Variants in MYO9B observed in about 807,000 individuals in gnomAD.
The protein encoded by MYO9B is myosin IXB, also known as unconventional myosin-IXb.
A neutral mutation model predicts 229.5 loss-of-function variants in MYO9B; 71 were observed. The ratio of observed to expected loss-of-function variants is 0.31; its 90% confidence interval spans 0.26 to 0.38. The LOEUF (loss-of-function observed/expected upper bound fraction) is 0.38, where lower values mean the gene tolerates loss of function less well. Ranked by LOEUF, MYO9B falls within the 10% of genes least tolerant of loss-of-function variation. MYO9B has a pLI of 1.00. For synonymous variants in MYO9B, 1,185 were observed against 1,235.8 expected, an observed-to-expected ratio of 0.96 and a Z score of 0.86; for missense variants, 2,255 against 2,920.5, an observed-to-expected ratio of 0.77 and a Z score of 5.25.
chr19:17,117,692 C>G (rs1229758084), intron 2 of MYO9B, among the ~76,000 whole-genome samples: 2 of 152,104 alleles, frequency 1.3e-5, no homozygotes, highest in Non-Finnish European at 2.9e-5. Flanking sequence ...AAGCCCAGCA[C>G]TTTTAGAGGC....
chr19:17,197,690 C>T, intron 22 of MYO9B, 102 bp from the exon 23 acceptor site: 2 of 1,348,984 alleles, frequency 1.5e-6, no homozygotes, highest in South Asian at 1.2e-5. Context: ...TGTCCCCTGG[C>T]AGGGGCAGAA....
chr19:17,135,924 A>G (rs895004440), intron 2 of MYO9B, among the ~76,000 whole-genome samples: 1 of 152,072 alleles, frequency 6.6e-6, no homozygotes, highest in Non-Finnish European at 1.5e-5. Flanking sequence ...TCTGCCACAG[A>G]CCAGGCTTTA....
At chr19:17,097,548 C>G (rs2057704832) in intron 1 of MYO9B, among the ~76,000 whole-genome samples, 1 of 152,114 alleles carries the variant, frequency 6.6e-6, no homozygotes. Flanking sequence ...ATCTATTTCC[C>G]TGGGAGAAAA....
chr19:17,210,258 C>T (rs752881287), intron 36 of MYO9B, 75 bp from the exon 37 acceptor site: 1 of 1,426,578 alleles, frequency 7.0e-7, no homozygotes, highest in Non-Finnish European at 9.4e-7. Context: ...TGGTACCGGT[C>T]ATTGGATGTA....
rs766861563 is a variant in MYO9B, at chr19:17,180,962, G to C, written c.2255G>C (p.Gly752Ala). 4.3e-6 allele frequency: 7 copies of C among 1,611,072 alleles called. No homozygotes were observed. The South Asian group carries it at 7.8e-5, about 18-fold the overall frequency. Residue 752 changes from glycine to alanine, a missense_variant, in exon 15 of 40, where the codon GGA becomes GCA. Transcript: ENST00000682292. ...AACCAAATGATCAAGAGCATCAAAG[G>C]ATTGCCCTGGCAGGGCGAGGACCCC... Reference protein sequence around the residue: ...LHNQMIKSIKGLPWQGEDPRS... With the variant: ...LHNQMIKSIKALPWQGEDPRS...
chr19:17,094,398 C>T (rs1056043831), intron 1 of MYO9B, among the ~76,000 whole-genome samples: 9 of 152,100 alleles, frequency 5.9e-5, no homozygotes, highest in African/African-American at 1.9e-4. Context: ...GCTGCACTTA[C>T]TCAGTGTGCC....
chr19:17,212,074 C>T lies in MYO9B; in HGVS notation c.6238C>T (p.Leu2080=). 6.3e-7 allele frequency: 1 copy of T among 1,597,258 alleles called. No individual in the cohort carries two copies. Among genetic ancestry groups the T allele is most frequent in the Non-Finnish European group, 8.5e-7 (1 of 1,173,610 alleles). ...IKLPPGLPSH[L]PRWAPGAREA... ...GCTCCCACCAGGCCTGCCCTCCCACCTGCCTCGCTGGGCACCGGGTGCCCG... is the reference window on the plus strand; with the variant it reads ...GCTCCCACCAGGCCTGCCCTCCCACTTGCCTCGCTGGGCACCGGGTGCCCG... Residue 2080 remains leucine (L), a synonymous_variant, in exon 40 of 40, where the codon CTG becomes TTG. Transcript: ENST00000682292. This position sits in a 1 kb window ranked among gnomAD's most constrained non-coding sequence, Gnocchi z 5.4.
At chr19:17,182,956 C>G (rs1034028211) in intron 15 of MYO9B, among the ~76,000 whole-genome samples, 2 of 152,046 alleles carry the variant, frequency 1.3e-5, no homozygotes, top group African/African-American at 4.8e-5. Flanking sequence ...GAGTCTCTCT[C>G]TGTCACCCAG....
At chr19:17,136,792 T>C (rs116804703) in intron 2 of MYO9B, among the ~76,000 whole-genome samples, 2,315 of 152,194 alleles carry the variant, frequency 0.015, 62 homozygotes, top group African/African-American at 0.05. Context: ...AGAGACTGTT[T>C]CAAAGTTCAA....
intron 2 of MYO9B, among the ~76,000 whole-genome samples, chr19:17,143,283 CAG>C (rs144850241): frequency 1.3e-5 from 2 of 152,038 alleles, no homozygotes; most frequent in East Asian, 3.9e-4. Flanking sequence ...ACCTCAGACA[CAG>C]AGATAAAGAG....
chr19:17,105,386 G>A (rs1410216472), intron 2 of MYO9B, among the ~76,000 whole-genome samples: 1 of 150,778 alleles, frequency 6.6e-6, no homozygotes, highest in Non-Finnish European at 1.5e-5. Context: ...TCCCCCCTAC[G>A]TGGGAGTCTG....
At chr19:17,166,531 C>T (rs755147469) in intron 10 of MYO9B, among the ~76,000 whole-genome samples, 1 of 151,162 alleles carries the variant, frequency 6.6e-6, no homozygotes, top group Non-Finnish European at 1.5e-5. Flanking sequence ...TTCAGGGGTA[C>T]ATGTGCAGAT....
At chr19:17,076,162 A>G (rs1252506074) in intron 1 of MYO9B, among the ~76,000 whole-genome samples, 3 of 148,890 alleles carry the variant, frequency 2.0e-5, no homozygotes, top group Non-Finnish European at 4.5e-5. Context: ...TTAAGTGGTA[A>G]TTGGGGGGTC....
chr19:17,178,863 G>T (rs991896648), intron 14 of MYO9B, among the ~76,000 whole-genome samples: 1 of 151,832 alleles, frequency 6.6e-6, no homozygotes, highest in East Asian at 1.9e-4. Context: ...GTGAAACCCT[G>T]TGTCTACTAA....
In MYO9B at chr19:17,195,182, C is replaced by T. The variant is rs1230318058; in HGVS notation, c.3755C>T (p.Thr1252Ile). ...SPRPGQLERP[T>I]SLALDSRVSP... ...AGGCCTGGCCAGTTGGAGCGGCCGA[C>T]CAGCCTGGCCCTGGACAGCAGGGTC... Residue 1252 changes from threonine to isoleucine, a missense_variant, in exon 22 of 40, where the codon ACC becomes ATC. By Grantham distance (89) the Thr-to-Ile change is moderately conservative. Around this residue, in one of 7 missense-constraint regions of MYO9B, gnomAD observed 679 missense variants for 770.2 expected, o/e 0.88. Transcript: ENST00000682292. This position sits in a 1 kb window ranked among gnomAD's most constrained non-coding sequence, Gnocchi z 4.5. 35 of 1,611,542 alleles carry T rather than the reference C, an allele frequency of 2.2e-5. No homozygotes were observed. Among genetic ancestry groups the T allele is most frequent in the Non-Finnish European group, 3.0e-5 (35 of 1,179,546 alleles).
rs1396260553 is a variant in MYO9B, at chr19:17,211,969, C to T, written c.6133C>T (p.Arg2045Ter). The T allele has an allele frequency of 1.2e-5, 19 of 1,578,886 alleles. No homozygotes were observed. Among genetic ancestry groups the T allele is most frequent in the Admixed American group, 7.2e-5 (4 of 55,562 alleles). The change falls in exon 40 of 40, where the codon CGA becomes TGA. Residue 2045 changes from arginine to a stop codon, truncating the protein, a stop_gained. Coordinates refer to ENST00000682292, the MANE Select transcript of MYO9B (RefSeq NM_004145.4). LOFTEE classifies it low-confidence loss of function (END_TRUNC). ...SPLPTVAAPP[R>*]RRPSSFVTVR... ...CCTCCCCACCGTGGCCGCCCCTCCA[C>T]GACGAAGGCCGTCGTCCTTCGTAAC...
At chr19:17,158,588 C>A (rs2072562310) in intron 7 of MYO9B, among the ~76,000 whole-genome samples, 1 of 151,014 alleles carries the variant, frequency 6.6e-6, no homozygotes, top group African/African-American at 2.4e-5. Flanking sequence ...GAGCAAGACT[C>A]CATCTAAAAA....
chr19:17,102,700 A>G lies in MYO9B; in HGVS notation c.840+143A>G. ...AGGATTGCTTGAGCCCAGGAGTTCA[A>G]GATCAGCCTGGGCAACATAGCAAGA... On this transcript the variant is annotated intron_variant, in intron 2 of 39. Coordinates refer to ENST00000682292, the MANE Select transcript of MYO9B (RefSeq NM_004145.4). 5 of 1,225,304 alleles carry G rather than the reference A, an allele frequency of 4.1e-6. 1 individual carries two copies. The highest frequency in any genetic ancestry group is 2.5e-4 in the Middle Eastern group (1 of 3,970). The allele number at this position is 1,225,304 out of a possible 1,614,324, so 75.9% of individuals were successfully genotyped here.
At chr19:17,130,748 G>A (rs934977075) in intron 2 of MYO9B, among the ~76,000 whole-genome samples, 3 of 151,592 alleles carry the variant, frequency 2.0e-5, no homozygotes, top group African/African-American at 4.9e-5. Flanking sequence ...ATTCTGGCCT[G>A]GGTGACAGAG....
Sources: allele counts gnomAD v4.1 joint callset (sites outside exome capture counted in the v4.1 genomes callset), GRCh38; gene constraint gnomAD v4.1.1; regional missense constraint gnomAD v4.1.1; non-coding constraint Gnocchi (gnomAD v3.1); transcripts MANE v1.5; gene names NCBI Gene and HGNC (gene_info 2026-07-23, HGNC 2026-07-21).